Variants in WDPCP observed in about 807,000 individuals in gnomAD.
WDPCP encodes WD repeat-containing and planar cell polarity effector protein fritz homolog.
In WDPCP, 71 loss-of-function variants were observed where a neutral mutation model predicts 93.1. The ratio of observed to expected loss-of-function variants is 0.76; its 90% CI spans 0.63 to 0.93. The LOEUF is 0.93. Among genes scored for constraint, WDPCP ranks in the 40% least tolerant of loss-of-function variants. The pLI, the probability that WDPCP is intolerant of heterozygous loss-of-function variation, is 0.00. For missense variants in WDPCP, 844 were observed against 887.4 expected (o/e 0.95, Z 0.62); for synonymous variants, 315 against 315.0 (o/e 1.00, Z 0.00).
chr2:63,509,078 C>A (rs998964389), intron 1 of WDPCP, among the ~76,000 whole-genome samples: 11 of 152,082 alleles, frequency 7.2e-5, no homozygotes, highest in South Asian at 2.1e-4. Flanking sequence ...CTGGACCAAG[C>A]GGACCTAATA....
chr2:63,174,429 G>A (rs1158127652), intron 15 of WDPCP, among the ~76,000 whole-genome samples: 2 of 152,150 alleles, frequency 1.3e-5, no homozygotes, highest in East Asian at 3.9e-4. Context: ...AATTCAATAT[G>A]TTATAGTAAT....
chr2:63,655,273 C>T (rs1710153966), intron 2 of WDPCP, among the ~76,000 whole-genome samples: 1 of 152,156 alleles, frequency 6.6e-6, no homozygotes, highest in African/African-American at 2.4e-5. Context: ...GTGAGCATTG[C>T]TCTCTCTTCG....
upstream of WDPCP, among the ~76,000 whole-genome samples, chr2:63,830,915 T>G (rs1404179199): frequency 6.6e-6 from 1 of 152,212 alleles, no homozygotes; most frequent in Non-Finnish European, 1.5e-5. Context: ...AGGCTAGATT[T>G]TTTTTCTGAG....
chr2:63,698,084 T>C (rs1668986650), intron 2 of WDPCP, among the ~76,000 whole-genome samples: 1 of 152,018 alleles, frequency 6.6e-6, no homozygotes, highest in Admixed American at 6.6e-5. Context: ...GCCTCCTGAG[T>C]AGCTGGGATT....
At chr2:63,314,194 T>A (rs78725672) in intron 12 of WDPCP, among the ~76,000 whole-genome samples, 3 of 139,614 alleles carry the variant, frequency 2.1e-5, no homozygotes, top group Admixed American at 1.4e-4. Flanking sequence ...CTTTTTTTTT[T>A]AATACAGGGT....
intron 12 of WDPCP, among the ~76,000 whole-genome samples, chr2:63,323,167 G>A (rs1169691303): frequency 3.3e-5 from 5 of 152,198 alleles, no homozygotes; most frequent in Admixed American, 6.5e-5. Flanking sequence ...TCGCCCAAGC[G>A]AGACTTGCCC....
At chr2:63,593,667 C>T (rs567169859), upstream of WDPCP, 14 of 471,406 alleles carry the variant, frequency 3.0e-5, no homozygotes, top group Non-Finnish European at 5.3e-5. Flanking sequence ...ATTTACCCAG[C>T]ATTATCGGGG....
chr2:63,350,087 T>C (rs965169938), intron 12 of WDPCP, among the ~76,000 whole-genome samples: 1 of 152,164 alleles, frequency 6.6e-6, no homozygotes, highest in African/African-American at 2.4e-5. Flanking sequence ...GTGGCACATA[T>C]ACACCATGGA....
At chr2:63,181,490 A>G (rs1032338035) in intron 14 of WDPCP, among the ~76,000 whole-genome samples, 3 of 152,116 alleles carry the variant, frequency 2.0e-5, no homozygotes, top group Non-Finnish European at 2.9e-5. Flanking sequence ...ATTGTCAAAG[A>G]TCAGTTGTCT....
At chr2:63,329,869 C>G (rs1296390804) in intron 12 of WDPCP, among the ~76,000 whole-genome samples, 2 of 152,122 alleles carry the variant, frequency 1.3e-5, no homozygotes, top group Non-Finnish European at 2.9e-5. Context: ...GGCTTACTCA[C>G]TTAGCATAAT....
chr2:63,200,697 A>G (rs1675838638), intron 14 of WDPCP, among the ~76,000 whole-genome samples: 1 of 152,130 alleles, frequency 6.6e-6, no homozygotes, highest in Non-Finnish European at 1.5e-5. Flanking sequence ...GAGAGTGAGG[A>G]TGTTTATTGG....
At chr2:63,604,746 C>A (rs781496999) in intron 3 of WDPCP, 9 of 1,614,094 alleles carry the variant, frequency 5.6e-6, no homozygotes, top group Non-Finnish European at 7.6e-6. Context: ...ATGTCATTAT[C>A]TGGGGAAACC....
At chr2:63,606,719 C>T (rs1024046265) in intron 3 of WDPCP, 5 of 399,928 alleles carry the variant, frequency 1.3e-5, no homozygotes, top group South Asian at 7.6e-5. Context: ...TTAGAATTAT[C>T]TATTAATTAA....
intron 3 of WDPCP, chr2:63,642,937 TATG>T (rs1262117386): frequency 6.6e-6 from 1 of 152,250 alleles, no homozygotes; most frequent in African/African-American, 2.4e-5. Flanking sequence ...CCCCATTTAG[TATG>T]ATACTAGCTG....
intron 6 of WDPCP, among the ~76,000 whole-genome samples, chr2:63,457,581 A>G: frequency 6.6e-6 from 1 of 152,312 alleles, no homozygotes; most frequent in South Asian, 2.1e-4. Context: ...ACCAAATCCA[A>G]CAGCACATCA....
chr2:63,466,841 G>A (rs1699374183), intron 6 of WDPCP, among the ~76,000 whole-genome samples: 1 of 152,118 alleles, frequency 6.6e-6, no homozygotes, highest in Non-Finnish European at 1.5e-5. Context: ...AGCAAAATAC[G>A]TGGAAGCTTC....
chr2:63,609,380 A>AATAT (rs149675826), intron 3 of WDPCP, among the ~76,000 whole-genome samples: 1 of 151,464 alleles, frequency 6.6e-6, no homozygotes, highest in Non-Finnish European at 1.5e-5. Flanking sequence ...ACAACAACAA[A>AATAT]ATATATATAT....
intron 3 of WDPCP, among the ~76,000 whole-genome samples, chr2:63,618,031 TG>T (rs562168852): frequency 9.5e-4 from 144 of 152,358 alleles, no homozygotes; most frequent in African/African-American, 2.8e-3. Context: ...TTTTCTCTTA[TG>T]TTTTTTTTCC....
At chr2:63,510,867 T>C (rs1702189991) in intron 1 of WDPCP, among the ~76,000 whole-genome samples, 1 of 152,046 alleles carries the variant, frequency 6.6e-6, no homozygotes, top group Admixed American at 6.6e-5. Context: ...TCCCAGCTAC[T>C]TGGGAGGCTG....
Sources: allele counts gnomAD v4.1 joint callset (sites outside exome capture counted in the v4.1 genomes callset), GRCh38; gene constraint gnomAD v4.1.1; transcripts MANE v1.5; gene names NCBI Gene and HGNC (gene_info 2026-07-23, HGNC 2026-07-21).